The following SYCE1L variants were observed in gnomAD, a reference collection of about 807,000 sequenced individuals.
The protein encoded by SYCE1L is synaptonemal complex central element protein 1-like.
SYCE1L carries 51 observed loss-of-function variants against 39.6 expected under a neutral mutation model. The observed-to-expected ratio is 1.29, with a 90% CI of 1.03 to 1.63. The LOEUF is 1.63. Ranked by LOEUF, SYCE1L falls within the 40% of genes most tolerant of loss-of-function variation. The pLI is 0.00. For missense variants in SYCE1L, 426 were observed against 304.9 expected, an observed-to-expected ratio of 1.40 and a Z score of -2.96; for synonymous variants, 147 against 122.4, an observed-to-expected ratio of 1.20 and a Z score of -1.33.
In SYCE1L at chr16:77,206,422, T is replaced by C; in HGVS notation, c.62-19T>C. On this transcript the variant is annotated intron_variant, in intron 1 of 10. Coordinates refer to ENST00000378644, the MANE Select transcript of SYCE1L (RefSeq NM_001129979.3). Reference sequence around the variant, plus strand: ...CTCACTCTCGCTGTGTCCTGTAATTTTGATTTTCCTTTCTACAGGGCAAGC... The same window carrying C: ...CTCACTCTCGCTGTGTCCTGTAATTCTGATTTTCCTTTCTACAGGGCAAGC... 6.4e-7 allele frequency: 1 copy of C among 1,550,986 alleles called. No individual in the cohort carries two copies. Among genetic ancestry groups the C allele is most frequent in the African/African-American group, 1.4e-5 (1 of 73,130 alleles).
At chr16:77,212,416 G>T in intron 9 of SYCE1L, 47 bp downstream of exon 9, 1 of 1,531,960 alleles carries the variant, frequency 6.5e-7, no homozygotes, top group Non-Finnish European at 8.8e-7. Flanking sequence ...GGGCAGGGCG[G>T]AGGGGAACCC....
chr16:77,199,536 C>G (rs1365522747), intron 1 of SYCE1L, 24 bp downstream of exon 1: 2 of 1,527,342 alleles, frequency 1.3e-6, no homozygotes, highest in Admixed American at 2.0e-5. Context: ...GTGGGCTGCA[C>G]TCCTTTCTCT....
Position 77,212,981 on chromosome 16 carries a change from A to G in SYCE1L, c.*50A>G, listed in dbSNP as rs2054837549. Reference sequence around the variant, plus strand: ...ACCTTCCCTCGAGACCCGCCAAGAAATAAAGGCGATGATTTCCGACCATGC... The same window carrying G: ...ACCTTCCCTCGAGACCCGCCAAGAAGTAAAGGCGATGATTTCCGACCATGC... On this transcript the variant is annotated 3_prime_UTR_variant, in exon 11 of 11. Transcript: ENST00000378644. The G allele has an allele frequency of 7.0e-7, 1 of 1,435,210 alleles. No homozygotes were observed. The highest frequency in any genetic ancestry group is 2.7e-5 in the East Asian group (1 of 37,678). The allele number at this position is 1,435,210 out of a possible 1,614,324, so 88.9% of individuals were successfully genotyped here. A position where few individuals can be genotyped will look rare whatever the true frequency, so the allele number is the denominator to read the frequency against.
In SYCE1L at chr16:77,208,339, T is replaced by G. The variant is rs2142517573; in HGVS notation, c.181+70T>G. On this transcript the variant is annotated intron_variant, in intron 3 of 10. Coordinates refer to ENST00000378644, the MANE Select transcript of SYCE1L (RefSeq NM_001129979.3). The stretch of plus-strand genomic sequence containing the variant: ...TGACTGGATTTATAATGAATCCACC[T>G]CCTCATCTATAAAATCTAGGCCCCT... 5.2e-6 allele frequency: 8 copies of G among 1,538,446 alleles called. 1 individual carries two copies. In the South Asian group the frequency reaches 9.6e-5, roughly 18 times the overall value.
intron 3 of SYCE1L, 52 bp from the exon 4 acceptor site, chr16:77,208,413 A>G: frequency 6.5e-7 from 1 of 1,549,798 alleles, no homozygotes; most frequent in Non-Finnish European, 8.7e-7. Flanking sequence ...GCGAGAGAAC[A>G]GCAAGGCTAG....
chr16:77,211,286 TATC>T lies in SYCE1L; in HGVS notation c.423+13_423+15del. On this transcript the variant is annotated intron_variant, in intron 7 of 10. Coordinates refer to ENST00000378644, the MANE Select transcript of SYCE1L (RefSeq NM_001129979.3). ...CCTCTGGGAATTCCACGTGAGCCATTATCATTGCCTGCAACCAAAGCCACTCCT... is the reference window on the plus strand; with the variant it reads ...CCTCTGGGAATTCCACGTGAGCCATTATTGCCTGCAACCAAAGCCACTCCT... 1 of 1,551,826 alleles carries T rather than the reference TATC, an allele frequency of 6.4e-7. No individual in the cohort carries two copies. Among genetic ancestry groups the T allele is most frequent in the Non-Finnish European group, 8.7e-7 (1 of 1,147,020 alleles).
In SYCE1L at chr16:77,208,488, C is replaced by G; in HGVS notation, c.205C>G (p.Leu69Val). ...QQAKKKSSEE[L>V]RETHSLWEAL... The stretch of plus-strand genomic sequence containing the variant: ...AGCAAAGAAGAAATCCAGTGAGGAA[C>G]TGAGAGAGACCCACAGTCTCTGGGA... The change falls in exon 4 of 11, where the codon CTG (leucine) becomes GTG (valine). Residue 69 changes from leucine to valine, a missense_variant. Physicochemically the swap from Leu to Val is conservative, Grantham distance 32 (BLOSUM62 1). Transcript: ENST00000378644. The G allele has an allele frequency of 1.9e-6, 3 of 1,551,682 alleles. No homozygotes were observed. The highest frequency in any genetic ancestry group is 2.6e-6 in the Non-Finnish European group (3 of 1,146,994).
intron 1 of SYCE1L, among the ~76,000 whole-genome samples, chr16:77,205,280 A>G (rs1597383183): frequency 1.3e-5 from 2 of 151,640 alleles, no homozygotes; most frequent in African/African-American, 4.8e-5. Context: ...TCTTCTCTTC[A>G]GTTTTCCTTA....
At chr16:77,203,592 CTT>C (rs57339044) in intron 1 of SYCE1L, among the ~76,000 whole-genome samples, 4 of 120,586 alleles carry the variant, frequency 3.3e-5, no homozygotes, top group Admixed American at 9.0e-5. Context: ...AAGTTACTTC[CTT>C]TTTTTTTTTT....
At chr16:77,210,088 T>C (rs1027966167) in intron 6 of SYCE1L, among the ~76,000 whole-genome samples, 1 of 152,200 alleles carries the variant, frequency 6.6e-6, no homozygotes, top group Admixed American at 6.5e-5. Context: ...CAATCAGCTA[T>C]CATTTCTCCA....
chr16:77,200,309 G>A (rs1244161471), intron 1 of SYCE1L: 1 of 84,170 alleles, frequency 1.2e-5, no homozygotes, highest in Non-Finnish European at 2.7e-5. Context: ...CTAATCAGCC[G>A]GGCGCGGTGG....
rs2054838717 is a variant in SYCE1L at position 77,213,106 on chromosome 16, C to T, written c.*175C>T. ...GCCGGACCCCTCCCACCAGTCGAGC[C>T]CCGGGCGCCGTACAGAGGCTGGGTA... is the stretch of plus-strand genomic sequence containing the variant. On this transcript the variant is annotated 3_prime_UTR_variant, in exon 11 of 11. Transcript: ENST00000378644. The T allele has an allele frequency of 5.1e-6, 3 of 587,906 alleles. No homozygotes were observed. Among genetic ancestry groups the T allele is most frequent in the East Asian group, 3.4e-5 (1 of 29,304 alleles). The allele number at this position is 587,906 out of a possible 1,614,324, so 36.4% of individuals were successfully genotyped here.
At chr16:77,206,383 C>T in intron 1 of SYCE1L, 58 bp from the exon 2 acceptor site, 1 of 1,493,208 alleles carries the variant, frequency 6.7e-7, no homozygotes, top group Non-Finnish European at 9.1e-7. Flanking sequence ...TCCTGCCTCC[C>T]TTCTCTCTCC....
At chr16:77,212,824 A>T (rs1490945731) in intron 10 of SYCE1L, 33 bp from the exon 11 acceptor site, 3 of 1,454,510 alleles carry the variant, frequency 2.1e-6, no homozygotes, top group Admixed American at 2.5e-5. Flanking sequence ...GAGCGTAGGA[A>T]CCTGGTCCGC....
chr16:77,208,742 G>A (rs556866403), intron 4 of SYCE1L, among the ~76,000 whole-genome samples: 2 of 152,298 alleles, frequency 1.3e-5, no homozygotes, highest in African/African-American at 2.4e-5. Context: ...TCTAAGAATA[G>A]AATCCCGCCC....
intron 2 of SYCE1L, 42 bp from the exon 3 acceptor site, chr16:77,208,168 C>G (rs1219687901): frequency 1.3e-6 from 2 of 1,536,498 alleles, no homozygotes; most frequent in African/African-American, 1.4e-5. Context: ...CAGCCAGACA[C>G]CAGTCTTCTC....
At chr16:77,202,441 G>T (rs1239997623) in intron 1 of SYCE1L, 1 of 152,170 alleles carries the variant, frequency 6.6e-6, no homozygotes, top group East Asian at 1.9e-4. Context: ...TGGACTTTGT[G>T]TGTGTGTGTC....
At chr16:77,205,261 C>T (rs12444881) in intron 1 of SYCE1L, among the ~76,000 whole-genome samples, 79,248 of 150,802 alleles carry the variant, frequency 0.53, 22,644 homozygotes, top group Non-Finnish European at 0.64. Context: ...TTTTGTGAGC[C>T]GCCTTTCGTC....
In SYCE1L at chr16:77,211,416, T is replaced by A. The variant is rs2054821793; in HGVS notation, c.423+140T>A. ...TCCTTGCTTCCGCTTGCCCACCTATTCAGTCCCTCAGCTTTTATCTAAAAT... is the reference window on the plus strand; with the variant it reads ...TCCTTGCTTCCGCTTGCCCACCTATACAGTCCCTCAGCTTTTATCTAAAAT... On this transcript the variant is annotated intron_variant, in intron 7 of 10. Coordinates refer to ENST00000378644, the MANE Select transcript of SYCE1L (RefSeq NM_001129979.3). The A allele has an allele frequency of 2.0e-5, 20 of 985,340 alleles. 1 individual carries two copies. In the South Asian group the frequency reaches 2.9e-4, roughly 15 times the overall value. 61.0% of individuals were successfully genotyped at this position (985,340 alleles called of 1,614,324 possible). A position where few individuals can be genotyped will look rare whatever the true frequency, so the allele number is the denominator to read the frequency against.
Sources: allele counts gnomAD v4.1 joint callset (sites outside exome capture counted in the v4.1 genomes callset), GRCh38; gene constraint gnomAD v4.1.1; transcripts MANE v1.5; gene names NCBI Gene and HGNC (gene_info 2026-07-23, HGNC 2026-07-21).